The following FAM3C variants were observed in gnomAD, a reference collection of about 807,000 sequenced individuals.
FAM3C encodes protein FAM3C.
A neutral mutation model predicts 32.5 loss-of-function variants in FAM3C; 15 were observed. That is an observed-to-expected ratio of 0.46 (90% CI 0.31 to 0.71). FAM3C has a LOEUF of 0.71. Among genes scored for constraint, FAM3C ranks in the 30% least tolerant of loss-of-function variants. FAM3C has a pLI of 0.05. For missense variants in FAM3C, 175 were observed against 274.4 expected (o/e 0.64, Z 2.56); for synonymous variants, 75 against 86.1 (o/e 0.87, Z 0.72).
At chr7:121,382,933 C>A (rs1282806124) in intron 2 of FAM3C, 24 bp downstream of exon 2, 1 of 1,569,912 alleles carries the variant, frequency 6.4e-7, no homozygotes, top group African/African-American at 1.4e-5. Flanking sequence ...AGTACAATTA[C>A]TTCTACTAAA....
intron 1 of FAM3C, among the ~76,000 whole-genome samples, chr7:121,385,358 T>C (rs745690448): frequency 5.3e-5 from 8 of 152,160 alleles, no homozygotes; most frequent in Non-Finnish European, 1.0e-4. Flanking sequence ...TAAATATATG[T>C]CACTGAACCA....
intron 5 of FAM3C, among the ~76,000 whole-genome samples, chr7:121,366,096 C>T (rs775647052): frequency 8.6e-5 from 13 of 152,018 alleles, no homozygotes; most frequent in Admixed American, 1.3e-4. Flanking sequence ...ACACTGCTGG[C>T]GGAAATGCAA....
In FAM3C at chr7:121,385,077, G is replaced by C. The variant is rs1794439940; in HGVS notation, c.-41-2067C>G. 2.0e-5 allele frequency among the ~76,000 whole-genome samples: 3 copies of C among 152,128 alleles called. No individual in the cohort carries two copies. In the South Asian group the frequency reaches 6.2e-4, roughly 32 times the overall value. On this transcript the variant is annotated intron_variant, in intron 1 of 9. Coordinates refer to ENST00000359943, the MANE Select transcript of FAM3C (RefSeq NM_014888.3). Reference sequence around the variant, plus strand: ...ATTAAACAAGGATTGAACAGGTCCAGAGAAAAGGAGCACAATAGTAAAGGG... The same window carrying C: ...ATTAAACAAGGATTGAACAGGTCCACAGAAAAGGAGCACAATAGTAAAGGG...
chr7:121,368,522 G>A (rs1794070477), intron 5 of FAM3C, among the ~76,000 whole-genome samples: 1 of 152,124 alleles, frequency 6.6e-6, no homozygotes, highest in Non-Finnish European at 1.5e-5. Context: ...GCAGTAACTG[G>A]CAATGGCCTT....
chr7:121,353,797 C>T (rs1793756159), intron 8 of FAM3C, among the ~76,000 whole-genome samples: 1 of 152,164 alleles, frequency 6.6e-6, no homozygotes, highest in Non-Finnish European at 1.5e-5. Context: ...TGTTTGACTC[C>T]ACTTGGGAGA....
At chr7:121,364,785 G>A (rs1793993313) in intron 5 of FAM3C, among the ~76,000 whole-genome samples, 2 of 152,068 alleles carry the variant, frequency 1.3e-5, no homozygotes, top group African/African-American at 4.8e-5. Context: ...ACTTCCATGG[G>A]CAGCTCACAG....
At chr7:121,378,851 G>C in intron 3 of FAM3C, 59 bp downstream of exon 3, 2 of 848,804 alleles carry the variant, frequency 2.4e-6, no homozygotes, top group South Asian at 3.4e-5. Context: ...GCTGATAACT[G>C]ATAAAACTTT....
At chr7:121,390,022 C>T (rs1794544079) in intron 1 of FAM3C, among the ~76,000 whole-genome samples, 1 of 152,086 alleles carries the variant, frequency 6.6e-6, no homozygotes, top group Non-Finnish European at 1.5e-5. Context: ...AAATAGATGT[C>T]AACTAAGGAC....
chr7:121,360,263 C>A (rs1426663703), intron 7 of FAM3C, 136 bp from the exon 8 acceptor site: 5 of 575,520 alleles, frequency 8.7e-6, no homozygotes, highest in African/African-American at 5.6e-5. Flanking sequence ...AAAAGACAGA[C>A]AAATCTCATA....
chr7:121,362,623 C>T, intron 7 of FAM3C: 1 of 370,770 alleles, frequency 2.7e-6, no homozygotes, highest in Non-Finnish European at 4.8e-6. Context: ...ATTGGTTGTC[C>T]TGTAGAAAAC....
rs550641820 is a variant in FAM3C at position 121,381,963 on chromosome 7, C to G, written c.13+994G>C. Among the ~76,000 whole-genome samples, 13 of 152,212 alleles carry G rather than the reference C, an allele frequency of 8.5e-5. 1 individual carries two copies. In the South Asian group the frequency reaches 2.3e-3, roughly 27 times the overall value. ...AGACTGGTTTGTTCACCCAGCTTGA[C>G]TTTAGGCATTTCTAAGAGATGCTCC... On this transcript the variant is annotated intron_variant, in intron 2 of 9. Coordinates refer to ENST00000359943, the MANE Select transcript of FAM3C (RefSeq NM_014888.3).
chr7:121,372,660 G>A (rs997366886), intron 3 of FAM3C, among the ~76,000 whole-genome samples: 3 of 152,068 alleles, frequency 2.0e-5, no homozygotes, highest in African/African-American at 7.2e-5. Flanking sequence ...GAATCCATGA[G>A]GTCAAATCTT....
Position 121,349,510 on chromosome 7 carries a change from G to A in FAM3C, c.*951C>T, listed in dbSNP as rs1478530215. The A allele has an allele frequency of 6.6e-6, 1 of 152,090 alleles. No individual in the cohort carries two copies. The highest frequency in any genetic ancestry group is 1.5e-5 in the Non-Finnish European group (1 of 68,014). 9.4% of individuals were successfully genotyped at this position (152,090 alleles called of 1,614,324 possible). On this transcript the variant is annotated 3_prime_UTR_variant, in exon 10 of 10. Coordinates refer to ENST00000359943, the MANE Select transcript of FAM3C (RefSeq NM_014888.3). The stretch of plus-strand genomic sequence containing the variant: ...TGTAAATATGCCACTATAGCTTCGG[G>A]CAATAATTGCTATTATGAAGTTAGA...
In FAM3C at chr7:121,350,368, C is replaced by T. The variant is rs377269503; in HGVS notation, c.*93G>A. On this transcript the variant is annotated 3_prime_UTR_variant, in exon 10 of 10. Transcript: ENST00000359943. ...ACTCATGCACACACCAAGATGGCTG[C>T]ATGCTCTTAAAATATTTACACATAG... The T allele has an allele frequency of 3.3e-5, 51 of 1,540,988 alleles. 1 individual carries two copies. In the South Asian group the frequency reaches 5.7e-4, roughly 17 times the overall value.
chr7:121,385,643 T>A (rs1236456240), intron 1 of FAM3C, among the ~76,000 whole-genome samples: 1 of 152,178 alleles, frequency 6.6e-6, no homozygotes, highest in African/African-American at 2.4e-5. Context: ...TAAATTAACT[T>A]CAGGAACAAC....
At chr7:121,353,886 C>T (rs1028409501) in intron 8 of FAM3C, among the ~76,000 whole-genome samples, 2 of 152,136 alleles carry the variant, frequency 1.3e-5, no homozygotes, top group Non-Finnish European at 2.9e-5. Context: ...TTTGCTTTAA[C>T]AAATCACAAC....
intron 8 of FAM3C, 36 bp from the exon 9 acceptor site, chr7:121,351,305 G>A: frequency 6.3e-7 from 1 of 1,599,384 alleles, no homozygotes; most frequent in Non-Finnish European, 8.5e-7. Context: ...ACAATAAACA[G>A]AGGGAACTGT....
chr7:121,360,208 A>C, intron 7 of FAM3C, 81 bp from the exon 8 acceptor site: 1 of 753,248 alleles, frequency 1.3e-6, no homozygotes. Flanking sequence ...GTATTATAAA[A>C]CATGAAGTAT....
Position 121,357,810 on chromosome 7 carries a change from T to C in FAM3C, c.467+2233A>G, listed in dbSNP as rs558810549. On this transcript the variant is annotated intron_variant, in intron 8 of 9. Transcript: ENST00000359943. ...GCACCAAAAAATAGCAGTTGAAGAG[T>C]AAACATCATTCCTCCCCTAGTTCTT... Among the ~76,000 whole-genome samples the C allele has an allele frequency of 5.3e-4, 81 of 152,102 alleles. 1 individual carries two copies. Among genetic ancestry groups the C allele is most frequent in the Non-Finnish European group, 2.4e-4 (16 of 68,014 alleles).
Sources: allele counts gnomAD v4.1 joint callset (sites outside exome capture counted in the v4.1 genomes callset), GRCh38; gene constraint gnomAD v4.1.1; transcripts MANE v1.5; gene names NCBI Gene and HGNC (gene_info 2026-07-23, HGNC 2026-07-21).